The following RNF111 variants were observed in gnomAD, a reference collection of about 807,000 sequenced individuals.
RNF111 encodes the protein ring finger protein 111.
In RNF111, 17 loss-of-function variants were observed where a neutral mutation model predicts 95.1. The ratio of observed to expected loss-of-function variants is 0.18; its 90% CI spans 0.12 to 0.27. The LOEUF (loss-of-function observed/expected upper bound fraction) is 0.27, where lower values mean the gene tolerates loss of function less well. Among genes scored for constraint, RNF111 ranks in the 10% least tolerant of loss-of-function variants. RNF111 has a pLI of 1.00. For missense variants in RNF111, 1,189 were observed against 1,210.4 expected, an observed-to-expected ratio of 0.98 and a Z score of 0.26; for synonymous variants, 440 against 414.8, an observed-to-expected ratio of 1.06 and a Z score of -0.74.
chr15:59,058,624 C>CT, intron 5 of RNF111, 74 bp downstream of exon 5: 5 of 1,341,088 alleles, frequency 3.7e-6, no homozygotes, highest in Non-Finnish European at 5.3e-6. Flanking sequence ...GTTTTTAAGT[C>CT]TAAGATTTTA....
chr15:59,061,781 C>T (rs149427061), intron 5 of RNF111, among the ~76,000 whole-genome samples: 1 of 152,288 alleles, frequency 6.6e-6, no homozygotes, highest in Non-Finnish European at 1.5e-5. Flanking sequence ...TGCACATGTA[C>T]ACTTGTTTTT....
chr15:59,067,225 T>C, intron 6 of RNF111, 142 bp downstream of exon 6: 1 of 697,408 alleles, frequency 1.4e-6, no homozygotes, highest in Non-Finnish European at 2.3e-6. Flanking sequence ...CTTCCCTCCC[T>C]GCCTCCCTCC....
intron 7 of RNF111, among the ~76,000 whole-genome samples, chr15:59,078,644 A>T (rs921153067): frequency 1.3e-5 from 2 of 151,614 alleles, no homozygotes; most frequent in Non-Finnish European, 2.9e-5. Context: ...GGATCACCTG[A>T]GGTCAGGAGT....
At chr15:59,044,806 T>A (rs2041631029) in intron 2 of RNF111, among the ~76,000 whole-genome samples, 1 of 152,246 alleles carries the variant, frequency 6.6e-6, no homozygotes, top group African/African-American at 2.4e-5. Context: ...ACTTTATAAT[T>A]TTTGAAATGT....
rs755598397 is a variant in RNF111, at chr15:59,058,413, C to A, written c.1229C>A (p.Ser410Tyr). Reference protein sequence around the residue: ...ARMESQATSASINNSNPSTSE... With the variant: ...ARMESQATSAYINNSNPSTSE... ...ATGGAATCACAAGCTACTAGCGCTTCCATTAACAATTCAAATCCATCTACC... is the reference window on the plus strand; with the variant it reads ...ATGGAATCACAAGCTACTAGCGCTTACATTAACAATTCAAATCCATCTACC... The change falls in exon 5 of 14, where the codon TCC (serine) becomes TAC (tyrosine). Residue 410 changes from serine to tyrosine, a missense_variant. Physicochemically the swap from Ser to Tyr is moderately radical, Grantham distance 144. This residue lies in a region of RNF111 where 1,024 missense variants were observed against 925.9 expected (regional missense o/e 1.11). Coordinates refer to ENST00000348370, the MANE Select transcript of RNF111 (RefSeq NM_017610.8). 6.2e-7 allele frequency: 1 copy of A among 1,614,142 alleles called. No homozygotes were observed. The highest frequency in any genetic ancestry group is 1.7e-5 in the Admixed American group (1 of 60,028).
chr15:59,001,157 G>T (rs899755815), intron 1 of RNF111, among the ~76,000 whole-genome samples: 1 of 152,148 alleles, frequency 6.6e-6, no homozygotes, highest in African/African-American at 2.4e-5. Context: ...TCAAGGCAGC[G>T]TGACTAGCCA....
intron 2 of RNF111, among the ~76,000 whole-genome samples, chr15:59,036,755 T>G (rs2041199320): frequency 6.6e-6 from 1 of 152,208 alleles, no homozygotes; most frequent in South Asian, 2.1e-4. Flanking sequence ...TGTAATATCT[T>G]AAAATACTCC....
At chr15:59,039,293 G>A (rs1402508981) in intron 2 of RNF111, among the ~76,000 whole-genome samples, 1 of 151,938 alleles carries the variant, frequency 6.6e-6, no homozygotes, top group African/African-American at 2.4e-5. Flanking sequence ...ATTTTGCTTA[G>A]GTTTATTATC....
intron 5 of RNF111, among the ~76,000 whole-genome samples, chr15:59,061,988 A>G (rs925846686): frequency 4.0e-5 from 6 of 150,534 alleles, no homozygotes; most frequent in African/African-American, 1.5e-4. Flanking sequence ...GTTGTCACCT[A>G]TCACTAGTAT....
chr15:59,040,444 GT>G, intron 2 of RNF111, among the ~76,000 whole-genome samples: 2 of 152,074 alleles, frequency 1.3e-5, no homozygotes, highest in East Asian at 3.9e-4. Flanking sequence ...CATTTTGACT[GT>G]TTTAACAGAC....
Position 59,092,519 on chromosome 15 carries a change from A to ACTGAT in RNF111, c.2740-17_2740-13dup, listed in dbSNP as rs1259506084. On this transcript the variant is annotated splice_polypyrimidine_tract_variant and intron_variant, in intron 12 of 13. Transcript: ENST00000348370. Reference sequence around the variant, plus strand: ...TGTCATCTCTACTAATAAGGTAACAACTGATTGGTTCTCACAGAGGAAACT... The same window carrying ACTGAT: ...TGTCATCTCTACTAATAAGGTAACAACTGATCTGATTGGTTCTCACAGAGGAAACT... The ACTGAT allele has an allele frequency of 6.2e-7, 1 of 1,609,006 alleles. No homozygotes were observed. Among genetic ancestry groups the ACTGAT allele is most frequent in the African/African-American group, 1.3e-5 (1 of 74,650 alleles).
chr15:59,032,608 G>C (rs1218047496), intron 2 of RNF111, among the ~76,000 whole-genome samples: 1 of 152,126 alleles, frequency 6.6e-6, no homozygotes, highest in African/African-American at 2.4e-5. Flanking sequence ...TTTTTGTAGA[G>C]ATGGGTTTTG....
chr15:59,092,293 T>G (rs747364628), intron 12 of RNF111, among the ~76,000 whole-genome samples: 18 of 152,224 alleles, frequency 1.2e-4, no homozygotes, highest in Non-Finnish European at 2.2e-4. Context: ...AGCTTTTAAG[T>G]GAATGAATTT....
rs190381976 is a variant in RNF111 at position 59,077,684 on chromosome 15, T to C, written c.1948+1469T>C. Reference sequence around the variant, plus strand: ...TGTTGATGGACATTAAAGTTGTTTATGGTTGAGTTTATGTATAGTTTAACT... The same window carrying C: ...TGTTGATGGACATTAAAGTTGTTTACGGTTGAGTTTATGTATAGTTTAACT... On this transcript the variant is annotated intron_variant, in intron 7 of 13. Coordinates refer to ENST00000348370, the MANE Select transcript of RNF111 (RefSeq NM_017610.8). Among the ~76,000 whole-genome samples, 26 of 152,362 alleles carry C rather than the reference T, an allele frequency of 1.7e-4. No homozygotes were observed. In the East Asian group the frequency reaches 4.6e-3, roughly 27 times the overall value.
chr15:59,011,128 T>C (rs2039782689), intron 1 of RNF111, among the ~76,000 whole-genome samples: 1 of 152,218 alleles, frequency 6.6e-6, no homozygotes, highest in Non-Finnish European at 1.5e-5. Context: ...ATTAATTATA[T>C]AGTTTATTCA....
intron 2 of RNF111, among the ~76,000 whole-genome samples, chr15:59,047,506 G>C (rs2041769074): frequency 6.6e-6 from 1 of 151,936 alleles, no homozygotes; most frequent in South Asian, 2.1e-4. Context: ...AACACAAACA[G>C]ACAAAAACCA....
chr15:59,031,655 T>A lies in RNF111; in HGVS notation c.833T>A (p.Phe278Tyr), dbSNP rs758762867. 11 of 1,614,150 alleles carry A rather than the reference T, an allele frequency of 6.8e-6. No individual in the cohort carries two copies. Among genetic ancestry groups the A allele is most frequent in the South Asian group, 6.6e-5 (6 of 91,062 alleles). Residue 278 changes from phenylalanine (F) to tyrosine (Y), a missense_variant, in exon 2 of 14, where the codon TTT becomes TAT. By Grantham distance (22) the Phe-to-Tyr change is conservative. Coordinates refer to ENST00000348370, the MANE Select transcript of RNF111 (RefSeq NM_017610.8). ...SSSTEGEEDL[F>Y]VSASENHQNN... is the part of the protein sequence containing the mutation. ...TCAACTGAAGGAGAAGAAGATTTGT[T>A]TGTTTCTGCCAGTGAAAACCACCAA...
At position 59,096,264 on chromosome 15, in the gene RNF111, A is replaced by C. The variant is rs921666718; in HGVS notation, c.*1364A>C. 14 of 388,250 alleles carry C rather than the reference A, an allele frequency of 3.6e-5. No homozygotes were observed. The highest frequency in any genetic ancestry group is 6.4e-5 in the Non-Finnish European group (14 of 219,796). The allele number at this position is 388,250 out of a possible 1,614,324, so 24.1% of individuals were successfully genotyped here. On this transcript the variant is annotated 3_prime_UTR_variant, in exon 14 of 14. Transcript: ENST00000348370. ...AGGATAGCCTAATTTTATTTGTTTA[A>C]ATATGCTTAATATGCCCCAGATTGC...
chr15:59,058,439 T>A lies in RNF111; in HGVS notation c.1255T>A (p.Ser419Thr). 6.2e-7 allele frequency: 1 copy of A among 1,614,118 alleles called. No individual in the cohort carries two copies. The highest frequency in any genetic ancestry group is 8.5e-7 in the Non-Finnish European group (1 of 1,180,002). Residue 419 changes from serine (S) to threonine (T), a missense_variant, in exon 5 of 14, where the codon TCT (serine) becomes ACT (threonine). Around this residue, in one of 2 missense-constraint regions of RNF111, gnomAD observed 1,024 missense variants for 925.9 expected, o/e 1.11. Transcript: ENST00000348370. ...ASINNSNPST[S>T]EQASDTASAV... ...CATTAACAATTCAAATCCATCTACC[T>A]CTGAGCAGGCCTCTGATACTGCTTC... is the stretch of plus-strand genomic sequence containing the variant.
Sources: allele counts gnomAD v4.1 joint callset (sites outside exome capture counted in the v4.1 genomes callset), GRCh38; gene constraint gnomAD v4.1.1; regional missense constraint gnomAD v4.1.1; transcripts MANE v1.5; gene names NCBI Gene and HGNC (gene_info 2026-07-23, HGNC 2026-07-21).